The following NRG1 variants were observed in gnomAD, a reference collection of about 807,000 sequenced individuals.
The protein encoded by NRG1 is pro-neuregulin-1, membrane-bound isoform.
In NRG1, 18 loss-of-function variants were observed where a neutral mutation model predicts 63.8. The observed-to-expected ratio is 0.28, with a 90% CI of 0.19 to 0.42. The LOEUF (loss-of-function observed/expected upper bound fraction) is 0.42, where lower values mean the gene tolerates loss of function less well. Among genes scored for constraint, NRG1 ranks in the 10% least tolerant of loss-of-function variants. NRG1 has a pLI of 1.00. For missense variants in NRG1, 762 were observed against 814.7 expected (o/e 0.94, Z 0.79); for synonymous variants, 302 against 301.3 (o/e 1.00, Z -0.02).
intron 1 of NRG1, among the ~76,000 whole-genome samples, chr8:32,106,850 C>G (rs990047327): frequency 6.6e-6 from 1 of 152,044 alleles, no homozygotes; most frequent in Non-Finnish European, 1.5e-5. Context: ...CTTTATTCAT[C>G]TCTGTAAATA....
At chr8:31,782,777 G>A (rs1488928301) in intron 1 of NRG1, among the ~76,000 whole-genome samples, 2 of 152,154 alleles carry the variant, frequency 1.3e-5, no homozygotes, top group Non-Finnish European at 2.9e-5. Context: ...GTTAAAATGT[G>A]AACTGTGATT....
chr8:31,902,800 C>A (rs1406836723), intron 1 of NRG1, among the ~76,000 whole-genome samples: 2 of 152,064 alleles, frequency 1.3e-5, no homozygotes, highest in Non-Finnish European at 2.9e-5. Context: ...AAGACAGTTA[C>A]ACTGATAAAT....
chr8:32,321,218 C>T (rs1448076729), intron 1 of NRG1, among the ~76,000 whole-genome samples: 1 of 152,016 alleles, frequency 6.6e-6, no homozygotes, highest in East Asian at 1.9e-4. Flanking sequence ...TCAAAATTAC[C>T]TCGTAAATCA....
chr8:32,712,691 A>G (rs1818130233), intron 5 of NRG1, among the ~76,000 whole-genome samples: 1 of 152,018 alleles, frequency 6.6e-6, no homozygotes, highest in African/African-American at 2.4e-5. Context: ...CCTTTTTGTT[A>G]TTTTGATTCT....
At chr8:31,678,477 A>C (rs1453082177) in intron 1 of NRG1, among the ~76,000 whole-genome samples, 1 of 152,050 alleles carries the variant, frequency 6.6e-6, no homozygotes, top group Non-Finnish European at 1.5e-5. Context: ...CATTTGGCAT[A>C]GCTTAATGTT....
chr8:32,126,873 G>A (rs779191870), intron 1 of NRG1, among the ~76,000 whole-genome samples: 12 of 151,966 alleles, frequency 7.9e-5, no homozygotes, highest in South Asian at 2.1e-4. Context: ...ACAAACAGCT[G>A]TAGAAGAGCT....
chr8:32,044,913 C>A (rs987944088), intron 1 of NRG1, among the ~76,000 whole-genome samples: 73 of 57,118 alleles, frequency 1.3e-3, no homozygotes, highest in African/African-American at 3.3e-3. Flanking sequence ...TAAAGAAAAG[C>A]AAAAAAAAAA....
intron 1 of NRG1, among the ~76,000 whole-genome samples, chr8:32,165,432 C>G (rs1237928549): frequency 6.6e-6 from 1 of 152,150 alleles, no homozygotes; most frequent in Non-Finnish European, 1.5e-5. Flanking sequence ...GTATGAGCCA[C>G]TGCACCTGTC....
chr8:32,445,995 TC>T (rs1215300163), intron 1 of NRG1, among the ~76,000 whole-genome samples: 1 of 152,068 alleles, frequency 6.6e-6, no homozygotes, highest in Non-Finnish European at 1.5e-5. Context: ...CATTTTTATA[TC>T]CCCAGAATAA....
chr8:32,498,013 G>A (rs1827415320), intron 1 of NRG1, among the ~76,000 whole-genome samples: 1 of 152,096 alleles, frequency 6.6e-6, no homozygotes, highest in African/African-American at 2.4e-5. Context: ...AGTAGAGACT[G>A]GGTTTCTCCA....
intron 1 of NRG1, among the ~76,000 whole-genome samples, chr8:32,193,405 G>A (rs1385930717): frequency 6.6e-6 from 1 of 151,822 alleles, no homozygotes; most frequent in Non-Finnish European, 1.5e-5. Context: ...CTTAATGCAG[G>A]CTTTTAGAAA....
chr8:31,917,921 C>T (rs1047992812), intron 1 of NRG1, among the ~76,000 whole-genome samples: 18 of 152,262 alleles, frequency 1.2e-4, no homozygotes, highest in Admixed American at 3.9e-4. Context: ...AGGTCCTTCA[C>T]ATCCCTTGTA....
intron 1 of NRG1, among the ~76,000 whole-genome samples, chr8:32,504,721 T>TA (rs1332742745): frequency 2.6e-5 from 4 of 152,168 alleles, no homozygotes; most frequent in Admixed American, 1.3e-4. Flanking sequence ...TTTGTCTTTT[T>TA]AAAAAAATCT....
At chr8:31,803,069 A>G (rs1821943258) in intron 1 of NRG1, among the ~76,000 whole-genome samples, 1 of 152,206 alleles carries the variant, frequency 6.6e-6, no homozygotes. Flanking sequence ...CATGAGTGCC[A>G]TGAAGGATGA....
At chr8:32,631,950 G>T (rs980329362) in intron 5 of NRG1, among the ~76,000 whole-genome samples, 1 of 152,030 alleles carries the variant, frequency 6.6e-6, no homozygotes, top group Non-Finnish European at 1.5e-5. Context: ...AATATCTAAT[G>T]CTCCATGTAA....
chr8:32,330,555 G>A (rs1330060709), intron 1 of NRG1, among the ~76,000 whole-genome samples: 2 of 152,324 alleles, frequency 1.3e-5, no homozygotes, highest in East Asian at 3.9e-4. Flanking sequence ...GAGCTGGGAT[G>A]GCCCTTCAGA....
intron 1 of NRG1, among the ~76,000 whole-genome samples, chr8:31,832,796 A>G (rs1414296227): frequency 1.3e-5 from 2 of 152,328 alleles, no homozygotes; most frequent in East Asian, 3.9e-4. Flanking sequence ...CTATTGCTTT[A>G]TAAAACTTGT....
chr8:32,092,518 A>C (rs1829330335), intron 1 of NRG1, among the ~76,000 whole-genome samples: 1 of 151,852 alleles, frequency 6.6e-6, no homozygotes, highest in South Asian at 2.1e-4. Context: ...TGTTGATAGG[A>C]AGCTTAGTGA....
intron 1 of NRG1, among the ~76,000 whole-genome samples, chr8:32,189,745 C>G (rs1183564323): frequency 6.6e-6 from 1 of 152,152 alleles, no homozygotes; most frequent in Non-Finnish European, 1.5e-5. Flanking sequence ...AACTGGCCCC[C>G]CTGAGTCCTT....
Sources: allele counts gnomAD v4.1 joint callset (sites outside exome capture counted in the v4.1 genomes callset), GRCh38; gene constraint gnomAD v4.1.1; transcripts MANE v1.5; gene names NCBI Gene and HGNC (gene_info 2026-07-23, HGNC 2026-07-21).